MICU1: variants seen among roughly 807,000 people sequenced by gnomAD.
MICU1 encodes the protein mitochondrial calcium uptake 1.
A neutral mutation model predicts 56.8 loss-of-function variants in MICU1; 45 were observed. The ratio of observed to expected loss-of-function variants is 0.79; its 90% CI spans 0.62 to 1.02. The LOEUF is 1.02. Ranked by LOEUF, MICU1 falls within the 50% of genes least tolerant of loss-of-function variation. The probability of loss-of-function intolerance (pLI) is 0.00; values close to 1 mark genes in which losing one functional copy is unlikely to be tolerated. For synonymous variants in MICU1, 186 were observed against 195.1 expected (o/e 0.95, Z 0.39); for missense variants, 504 against 587.1 (o/e 0.86, Z 1.46).
At chr10:72,479,743 C>A (rs1316146330) in intron 6 of MICU1, among the ~76,000 whole-genome samples, 1 of 152,120 alleles carries the variant, frequency 6.6e-6, no homozygotes, top group Non-Finnish European at 1.5e-5. Flanking sequence ...CCAGGCTGGT[C>A]TTAAACCTCC....
chr10:72,599,603 G>A (rs989019268), intron 1 of MICU1, among the ~76,000 whole-genome samples: 2 of 152,146 alleles, frequency 1.3e-5, no homozygotes, highest in African/African-American at 4.8e-5. Flanking sequence ...CCCAAGAGTA[G>A]TGATGCTAGC....
chr10:72,541,684 G>A (rs1186749565), intron 4 of MICU1, among the ~76,000 whole-genome samples: 1 of 152,048 alleles, frequency 6.6e-6, no homozygotes, highest in Non-Finnish European at 1.5e-5. Context: ...CTGACTTTAT[G>A]AATAATAAAC....
chr10:72,424,482 A>AC (rs1864283921), intron 8 of MICU1, among the ~76,000 whole-genome samples: 1 of 151,096 alleles, frequency 6.6e-6, no homozygotes. Flanking sequence ...TTTTTTAATT[A>AC]CTTTTTTTTT....
chr10:72,566,580 T>C lies in MICU1; in HGVS notation c.161+53A>G, dbSNP rs1169349591. ...ATCAACTCCTTTCTGACAACAGAGATGACTGGAAGAATAAAAGTATACGCA... is the reference window on the plus strand; with the variant it reads ...ATCAACTCCTTTCTGACAACAGAGACGACTGGAAGAATAAAAGTATACGCA... On this transcript the variant is annotated intron_variant, in intron 2 of 11. Coordinates refer to ENST00000361114, the MANE Select transcript of MICU1 (RefSeq NM_001195518.2). 3.2e-6 allele frequency: 5 copies of C among 1,540,822 alleles called. No homozygotes were observed. The African/African-American group carries it at 6.9e-5, about 21-fold the overall frequency.
intron 1 of MICU1, among the ~76,000 whole-genome samples, chr10:72,589,930 T>C (rs2132525139): frequency 6.6e-6 from 1 of 152,290 alleles, no homozygotes; most frequent in South Asian, 2.1e-4. Context: ...TCACACTGTA[T>C]TTGGGTTTCA....
At chr10:72,504,032 T>G (rs886118642) in intron 6 of MICU1, among the ~76,000 whole-genome samples, 1 of 152,130 alleles carries the variant, frequency 6.6e-6, no homozygotes, top group African/African-American at 2.4e-5. Flanking sequence ...TTGGCAGAAT[T>G]AATATTGTTA....
At chr10:72,393,149 T>C (rs1019486193) in intron 10 of MICU1, among the ~76,000 whole-genome samples, 8 of 152,234 alleles carry the variant, frequency 5.3e-5, no homozygotes, top group Non-Finnish European at 4.4e-5. Flanking sequence ...ACTCATTCAT[T>C]TGTTGACTAT....
At chr10:72,571,391 G>A (rs1011586207) in intron 1 of MICU1, among the ~76,000 whole-genome samples, 8 of 152,040 alleles carry the variant, frequency 5.3e-5, no homozygotes, top group Non-Finnish European at 1.2e-4. Context: ...AACAGGCAAG[G>A]GGTATATAAG....
intron 1 of MICU1, among the ~76,000 whole-genome samples, chr10:72,581,567 G>T (rs1483491204): frequency 2.0e-5 from 3 of 152,140 alleles, no homozygotes; most frequent in Non-Finnish European, 4.4e-5. Flanking sequence ...GGTGGAGGTT[G>T]CAGTGAGCCG....
chr10:72,417,754 C>A (rs1048985602), intron 9 of MICU1, among the ~76,000 whole-genome samples: 1 of 152,150 alleles, frequency 6.6e-6, no homozygotes, highest in Non-Finnish European at 1.5e-5. Flanking sequence ...GTTCTTCAAA[C>A]TATTACTTAG....
intron 3 of MICU1, among the ~76,000 whole-genome samples, chr10:72,555,458 T>C (rs535714246): frequency 1.3e-5 from 2 of 152,222 alleles, no homozygotes; most frequent in East Asian, 3.9e-4. Context: ...ATATGGACAG[T>C]GGTGAACATC....
In MICU1 at chr10:72,497,650, G is replaced by C. The variant is rs1866892280; in HGVS notation, c.652+10505C>G. Among the ~76,000 whole-genome samples the C allele has an allele frequency of 2.0e-5, 3 of 152,202 alleles. No homozygotes were observed. The South Asian group carries it at 6.2e-4, about 31-fold the overall frequency. ...AAAAACAGGACAGAGCAGAGGCTGA[G>C]GAAGATAGGATAAGTGAGAAGAGTT... On this transcript the variant is annotated intron_variant, in intron 6 of 11. Coordinates refer to ENST00000361114, the MANE Select transcript of MICU1 (RefSeq NM_001195518.2).
chr10:72,586,964 C>G (rs1379383939), intron 1 of MICU1, among the ~76,000 whole-genome samples: 1 of 152,014 alleles, frequency 6.6e-6, no homozygotes, highest in Non-Finnish European at 1.5e-5. Context: ...GACAGGATGC[C>G]TAAACTTCAA....
intron 10 of MICU1, chr10:72,379,565 A>G (rs1414702903): frequency 7.0e-6 from 3 of 430,960 alleles, no homozygotes; most frequent in African/African-American, 2.0e-5. Flanking sequence ...TCTTCTCCCC[A>G]TGAAGATGGT....
chr10:72,403,629 T>TTGTGTGTGTG (rs60373032), intron 10 of MICU1, among the ~76,000 whole-genome samples: 3,184 of 139,880 alleles, frequency 0.023, 54 homozygotes, highest in African/African-American at 0.026. Flanking sequence ...CATACCAAAA[T>TTGTGTGTGTG]TGTGTGTGTG....
At chr10:72,529,946 CTTTT>C (rs11338457) in intron 5 of MICU1, among the ~76,000 whole-genome samples, 4 of 100,798 alleles carry the variant, frequency 4.0e-5, no homozygotes, top group East Asian at 2.9e-4. Flanking sequence ...GGGGAAGGTG[CTTTT>C]TTTTTTTTTT....
chr10:72,483,951 T>C (rs895589852), intron 6 of MICU1: 1 of 152,246 alleles, frequency 6.6e-6, no homozygotes, highest in Non-Finnish European at 1.5e-5. Flanking sequence ...TTCTTTCTTC[T>C]GGTTGTGCTA....
chr10:72,492,883 G>A (rs1866709221), intron 6 of MICU1, among the ~76,000 whole-genome samples: 1 of 152,014 alleles, frequency 6.6e-6, no homozygotes, highest in African/African-American at 2.4e-5. Context: ...TTGGGAGGCC[G>A]AGGCGAGTGG....
intron 1 of MICU1, among the ~76,000 whole-genome samples, chr10:72,592,213 T>C (rs1255579132): frequency 1.3e-5 from 2 of 151,848 alleles, no homozygotes; most frequent in African/African-American, 4.8e-5. Flanking sequence ...TTTCACATGT[T>C]GGTCAGGCTG....
Sources: allele counts gnomAD v4.1 joint callset (sites outside exome capture counted in the v4.1 genomes callset), GRCh38; gene constraint gnomAD v4.1.1; transcripts MANE v1.5; gene names NCBI Gene and HGNC (gene_info 2026-07-23, HGNC 2026-07-21).